The following CDC42BPA variants were observed in gnomAD, a reference collection of about 807,000 sequenced individuals.
CDC42BPA encodes serine/threonine-protein kinase MRCK alpha.
A neutral mutation model predicts 223.5 loss-of-function variants in CDC42BPA; 80 were observed. That is an observed-to-expected ratio of 0.36 (90% CI 0.30 to 0.43). CDC42BPA has a LOEUF of 0.43. CDC42BPA is among the 20% of genes least tolerant of loss of function. CDC42BPA has a pLI of 1.00. For synonymous variants in CDC42BPA, 694 were observed against 718.6 expected (o/e 0.97, Z 0.55); for missense variants, 1,743 against 2,099.9 (o/e 0.83, Z 3.32).
At chr1:227,048,114 G>T in intron 22 of CDC42BPA, 104 bp from the exon 23 acceptor site, 1 of 601,264 alleles carries the variant, frequency 1.7e-6, no homozygotes, top group Non-Finnish European at 2.8e-6. Context: ...CATCAATAAG[G>T]CAAAAAGTTC....
intron 24 of CDC42BPA, among the ~76,000 whole-genome samples, chr1:227,038,569 T>A (rs992396672): frequency 1.3e-5 from 2 of 152,154 alleles, no homozygotes; most frequent in African/African-American, 4.8e-5. Flanking sequence ...CAACAGCCAA[T>A]ACCACAGACA....
intron 5 of CDC42BPA, among the ~76,000 whole-genome samples, chr1:227,185,436 C>T (rs531799308): frequency 1.3e-5 from 2 of 152,242 alleles, no homozygotes; most frequent in South Asian, 4.1e-4. Context: ...CCTACATATC[C>T]CCACGTGTTT....
chr1:227,122,571 A>G (rs964665393), intron 11 of CDC42BPA, among the ~76,000 whole-genome samples: 1 of 152,212 alleles, frequency 6.6e-6, no homozygotes, highest in African/African-American at 2.4e-5. Flanking sequence ...ATATATGTCA[A>G]ATTTCCCTGT....
At chr1:227,228,050 G>A (rs898654737) in intron 2 of CDC42BPA, among the ~76,000 whole-genome samples, 2 of 152,070 alleles carry the variant, frequency 1.3e-5, no homozygotes, top group Non-Finnish European at 2.9e-5. Flanking sequence ...ACTTATAAGT[G>A]GGAGCTGAAA....
At chr1:227,264,086 C>T (rs1263509317) in intron 1 of CDC42BPA, among the ~76,000 whole-genome samples, 1 of 152,180 alleles carries the variant, frequency 6.6e-6, no homozygotes, top group Non-Finnish European at 1.5e-5. Context: ...ATGAAGACAG[C>T]TGCTTTTTAT....
At chr1:227,154,177 A>T (rs1309338473) in intron 6 of CDC42BPA, among the ~76,000 whole-genome samples, 2 of 152,002 alleles carry the variant, frequency 1.3e-5, no homozygotes, top group African/African-American at 4.8e-5. Context: ...ACAACCTAAC[A>T]TCATCTTGAT....
chr1:227,270,867 G>A (rs573827388), intron 1 of CDC42BPA, among the ~76,000 whole-genome samples: 1 of 152,240 alleles, frequency 6.6e-6, no homozygotes, highest in South Asian at 2.1e-4. Context: ...CACTAGGCAT[G>A]TTTTCAAGGT....
chr1:227,179,085 G>A (rs983872511), intron 5 of CDC42BPA, among the ~76,000 whole-genome samples: 1 of 152,070 alleles, frequency 6.6e-6, no homozygotes, highest in African/African-American at 2.4e-5. Flanking sequence ...AGAAAACCGC[G>A]TGTTATATGA....
chr1:227,082,326 C>T lies in CDC42BPA; in HGVS notation c.2356-1309G>A, dbSNP rs1303775524. The stretch of plus-strand genomic sequence containing the variant: ...CCTCCCAAATTACTGTGATTACAGG[C>T]ATGCACCAGCATGCCTGGCCCGATA... On this transcript the variant is annotated intron_variant, in intron 16 of 36. Transcript: ENST00000366766. Among the ~76,000 whole-genome samples the T allele has an allele frequency of 3.9e-5, 6 of 152,124 alleles. No homozygotes were observed. The East Asian group carries it at 9.6e-4, about 24-fold the overall frequency.
intron 27 of CDC42BPA, 75 bp downstream of exon 27, chr1:227,033,259 G>C (rs1430456752): frequency 1.1e-6 from 1 of 880,304 alleles, no homozygotes; most frequent in Non-Finnish European, 1.8e-6. Flanking sequence ...GTGAATTTAT[G>C]ATTTATATAG....
chr1:227,015,260 C>T lies in CDC42BPA; in HGVS notation c.4857+820G>A, dbSNP rs184799526. On this transcript the variant is annotated intron_variant, in intron 34 of 36. Transcript: ENST00000366766. Reference sequence around the variant, plus strand: ...CCAACATGGTGAAACCCCATCTCTACTAAAAATACAAAATTAGCTGGGCAT... The same window carrying T: ...CCAACATGGTGAAACCCCATCTCTATTAAAAATACAAAATTAGCTGGGCAT... 5.9e-5 allele frequency among the ~76,000 whole-genome samples: 9 copies of T among 152,154 alleles called. No individual in the cohort carries two copies. The East Asian group carries it at 1.7e-3, about 29-fold the overall frequency.
In CDC42BPA at chr1:227,144,977, G is replaced by C. The variant is rs372857810; in HGVS notation, c.1143+512C>G. Among the ~76,000 whole-genome samples the C allele has an allele frequency of 2.6e-5, 4 of 152,268 alleles. No homozygotes were observed. In the South Asian group the frequency reaches 8.3e-4, roughly 32 times the overall value. The stretch of plus-strand genomic sequence containing the variant: ...TTTTCTATCCAGTTCCATGCTACTA[G>C]TACTACTGTCCCAGACCAAGTCAGT... On this transcript the variant is annotated intron_variant, in intron 8 of 36. Transcript: ENST00000366766.
chr1:227,236,409 TTA>T (rs1679029455), intron 2 of CDC42BPA, among the ~76,000 whole-genome samples: 1 of 152,142 alleles, frequency 6.6e-6, no homozygotes, highest in South Asian at 2.1e-4. Flanking sequence ...GCTTATCAAT[TTA>T]TGATATAGGA....
chr1:227,068,573 G>A lies in CDC42BPA; in HGVS notation c.2904+1204C>T, dbSNP rs1051298037. The A allele has an allele frequency of 1.9e-5, 9 of 478,288 alleles. No homozygotes were observed. The African/African-American group carries it at 1.9e-4, about 10-fold the overall frequency. The allele number at this position is 478,288 out of a possible 1,614,324, so 29.6% of individuals were successfully genotyped here. The stretch of plus-strand genomic sequence containing the variant: ...AAATGTGGTATTTCTAAAACTGACT[G>A]CATTACTAGGCAAATTCTTCAAATC... On this transcript the variant is annotated intron_variant, in intron 21 of 36. Transcript: ENST00000366766.
chr1:227,073,938 A>C lies in CDC42BPA; in HGVS notation c.2661T>G (p.Asp887Glu), dbSNP rs1678946591. The C allele has an allele frequency of 6.2e-7, 1 of 1,612,774 alleles. No individual in the cohort carries two copies. Among genetic ancestry groups the C allele is most frequent in the Middle Eastern group, 1.7e-4 (1 of 6,060 alleles). ...SARLELQSAL[D>E]AEIRAKQAIQ... is the part of the protein sequence containing the mutation. ...TGGCCTGTTTGGCTCTTATTTCTGCATCCAGAGCCGACTGCAACTCCAGTC... is the reference window on the plus strand; with the variant it reads ...TGGCCTGTTTGGCTCTTATTTCTGCCTCCAGAGCCGACTGCAACTCCAGTC... The change falls in exon 19 of 37, where the codon GAT becomes GAG. Residue 887 changes from aspartate (D) to glutamate (E), a missense_variant. Coordinates refer to ENST00000366766, the MANE Select transcript of CDC42BPA (RefSeq NM_001394014.1).
At chr1:227,234,054 T>A (rs1035085948) in intron 2 of CDC42BPA, among the ~76,000 whole-genome samples, 13 of 152,324 alleles carry the variant, frequency 8.5e-5, no homozygotes, top group African/African-American at 2.9e-4. Flanking sequence ...TATTTTTTTA[T>A]GTTGTTCAAG....
intron 4 of CDC42BPA, among the ~76,000 whole-genome samples, chr1:227,197,591 T>A (rs764415304): frequency 4.2e-5 from 6 of 141,224 alleles, no homozygotes; most frequent in Non-Finnish European, 9.2e-5. Context: ...CAGTTCAGGC[T>A]TTTTTTGCTA....
At chr1:227,021,127 T>A (rs966438664) in intron 32 of CDC42BPA, among the ~76,000 whole-genome samples, 18 of 152,140 alleles carry the variant, frequency 1.2e-4, no homozygotes, top group Admixed American at 4.6e-4. Context: ...TGATCACAGA[T>A]CACCGTAACA....
At chr1:227,215,628 G>C (rs1484103032) in intron 2 of CDC42BPA, among the ~76,000 whole-genome samples, 1 of 152,060 alleles carries the variant, frequency 6.6e-6, no homozygotes, top group Non-Finnish European at 1.5e-5. Flanking sequence ...CTGGTGCTTA[G>C]TAAGCATTCA....
Sources: allele counts gnomAD v4.1 joint callset (sites outside exome capture counted in the v4.1 genomes callset), GRCh38; gene constraint gnomAD v4.1.1; transcripts MANE v1.5; gene names NCBI Gene and HGNC (gene_info 2026-07-23, HGNC 2026-07-21).